Variants in SLC17A1 observed in about 807,000 individuals in gnomAD.
SLC17A1 encodes the protein solute carrier family 17 member 1.
Under a neutral mutation model 53.5 loss-of-function variants are expected in SLC17A1, and 51 were observed. The observed-to-expected ratio is 0.95, with a 90% CI of 0.76 to 1.20. SLC17A1 has a LOEUF of 1.20. Ranked by LOEUF, SLC17A1 falls within the 50% of genes most tolerant of loss-of-function variation. The probability of loss-of-function intolerance (pLI) is 0.00; values close to 1 mark genes in which losing one functional copy is unlikely to be tolerated. For synonymous variants in SLC17A1, 179 were observed against 198.8 expected, an observed-to-expected ratio of 0.90 and a Z score of 0.84; for missense variants, 538 against 568.2, an observed-to-expected ratio of 0.95 and a Z score of 0.54.
chr6:25,737,269 T>A, the SLC17A1 span, among the ~76,000 whole-genome samples: 1 of 152,158 alleles, frequency 6.6e-6, no homozygotes, highest in South Asian at 2.1e-4. Flanking sequence ...GGCTTTTGCA[T>A]TTCTGATGAC....
At chr6:25,729,431 G>T in the SLC17A1 span, among the ~76,000 whole-genome samples, 1 of 152,164 alleles carries the variant, frequency 6.6e-6, no homozygotes, top group Non-Finnish European at 1.5e-5. Context: ...ATAGGATAAA[G>T]TAAAGGCAGG....
At chr6:25,815,910 A>G (rs1300008251) in intron 6 of SLC17A1, among the ~76,000 whole-genome samples, 2 of 58,944 alleles carry the variant, frequency 3.4e-5, no homozygotes, top group African/African-American at 1.6e-4. Context: ...GAAAATGCTT[A>G]CTTTTTTTTT....
chr6:25,765,730 A>T, the SLC17A1 span, among the ~76,000 whole-genome samples: 1 of 152,190 alleles, frequency 6.6e-6, no homozygotes, highest in Non-Finnish European at 1.5e-5. Context: ...GAAAACAAAG[A>T]TTGTGTAATA....
At chr6:25,786,275 T>C (rs1234516437) in intron 12 of SLC17A1, among the ~76,000 whole-genome samples, 2 of 152,246 alleles carry the variant, frequency 1.3e-5, no homozygotes, top group African/African-American at 2.4e-5. Context: ...CAAATCAATA[T>C]AGACAAATTA....
At chr6:25,812,595 C>T (rs564048163) in intron 8 of SLC17A1, among the ~76,000 whole-genome samples, 9 of 152,184 alleles carry the variant, frequency 5.9e-5, no homozygotes, top group Non-Finnish European at 8.8e-5. Context: ...GGCAAATGTG[C>T]GGAAATATAG....
chr6:25,777,990 A>C (rs1399205248), downstream of SLC17A1: 4 of 1,612,630 alleles, frequency 2.5e-6, no homozygotes, highest in Non-Finnish European at 3.4e-6. Context: ...CATCTCTCCT[A>C]CTGCTGCTGG....
intron 2 of SLC17A1, among the ~76,000 whole-genome samples, chr6:25,827,115 C>T (rs1391537403): frequency 6.6e-6 from 1 of 151,978 alleles, no homozygotes; most frequent in Non-Finnish European, 1.5e-5. Flanking sequence ...TGGTGTACAG[C>T]CAAACAAGTT....
chr6:25,810,427 A>G (rs1302647396), intron 10 of SLC17A1, among the ~76,000 whole-genome samples: 1 of 152,076 alleles, frequency 6.6e-6, no homozygotes, highest in African/African-American at 2.4e-5. Context: ...AAAACAACCC[A>G]ATTAAAAAAT....
At chr6:25,824,875 T>C (rs1383941574) in intron 3 of SLC17A1, among the ~76,000 whole-genome samples, 1 of 151,922 alleles carries the variant, frequency 6.6e-6, no homozygotes, top group Non-Finnish European at 1.5e-5. Context: ...TTGCCCCCTA[T>C]ATTTTGCTGC....
Position 25,782,923 on chromosome 6 carries a change from T to C in SLC17A1, c.*298A>G, listed in dbSNP as rs941787932. 1 of 152,244 alleles carries C rather than the reference T, an allele frequency of 6.6e-6. No homozygotes were observed. The highest frequency in any genetic ancestry group is 2.4e-5 in the African/African-American group (1 of 41,466). The allele number at this position is 152,244 out of a possible 1,614,324, so 9.4% of individuals were successfully genotyped here. A position where few individuals can be genotyped will look rare whatever the true frequency, so the allele number is the denominator to read the frequency against. ...TTCATGAAGCCTTAGAATAAAATTT[T>C]ATCTTGTGTGTATTTATTGGTTTGA... is the stretch of plus-strand genomic sequence containing the variant. On this transcript the variant is annotated 3_prime_UTR_variant, in exon 13 of 13. Transcript: ENST00000244527.
At chr6:25,810,874 T>C (rs1384632454) in intron 10 of SLC17A1, among the ~76,000 whole-genome samples, 2 of 152,102 alleles carry the variant, frequency 1.3e-5, no homozygotes, top group African/African-American at 4.8e-5. Flanking sequence ...AGCAGATGAA[T>C]GGCATAACAA....
chr6:25,726,617 T>C, the SLC17A1 span: 3 of 1,453,590 alleles, frequency 2.1e-6, no homozygotes, highest in Non-Finnish European at 2.8e-6. Flanking sequence ...TGGCATTTGC[T>C]ATCTGATTGG....
chr6:25,798,048 A>T (rs930149073), intron 12 of SLC17A1, among the ~76,000 whole-genome samples: 2 of 152,174 alleles, frequency 1.3e-5, no homozygotes, highest in African/African-American at 4.8e-5. Context: ...TTAGCAAGAT[A>T]TTAGTGGTGG....
chr6:25,791,170 T>C (rs1189863426), intron 12 of SLC17A1, among the ~76,000 whole-genome samples: 3 of 152,190 alleles, frequency 2.0e-5, no homozygotes, highest in South Asian at 2.1e-4. Context: ...AATATTGACA[T>C]TGAGTACTGT....
At chr6:25,726,559 C>A in the SLC17A1 span, 1 of 1,585,378 alleles carries the variant, frequency 6.3e-7, no homozygotes, top group South Asian at 1.2e-5. Flanking sequence ...AACACGAGAA[C>A]CACATTTCTA....
the SLC17A1 span, among the ~76,000 whole-genome samples, chr6:25,741,742 A>G: frequency 0.27 from 41,089 of 150,362 alleles, 6,747 homozygotes; most frequent in East Asian, 0.7. Flanking sequence ...ATACAAAAAG[A>G]AAAAAAAAAT....
chr6:25,726,739 C>T, the SLC17A1 span: 9 of 1,078,864 alleles, frequency 8.3e-6, no homozygotes, highest in South Asian at 1.1e-4. Context: ...GTTTGAGGGC[C>T]GTGCCTATAA....
At chr6:25,745,382 T>C in the SLC17A1 span, among the ~76,000 whole-genome samples, 1 of 152,194 alleles carries the variant, frequency 6.6e-6, no homozygotes, top group Non-Finnish European at 1.5e-5. Context: ...ACGTATTCAC[T>C]TTTCTCTTAG....
chr6:25,732,589 C>A, the SLC17A1 span: 1 of 888,106 alleles, frequency 1.1e-6, no homozygotes, highest in Non-Finnish European at 1.7e-6. Flanking sequence ...GCGTACCTGC[C>A]GGCGGTTCTG....
Sources: gnomAD v4.1 joint callset for allele counts (sites outside exome capture counted in the v4.1 genomes callset) on GRCh38, gnomAD v4.1.1 for gene constraint, MANE v1.5 for transcripts, NCBI Gene and HGNC (gene_info 2026-07-23, HGNC 2026-07-21) for gene names.